Variants in SBNO2 observed in about 807,000 individuals in gnomAD.
SBNO2 encodes the protein strawberry notch homolog 2.
In SBNO2, 89 loss-of-function variants were observed where a neutral mutation model predicts 146.3. The observed-to-expected ratio is 0.61, with a 90% CI of 0.51 to 0.73. SBNO2 has a LOEUF of 0.73. Ranked by LOEUF, SBNO2 falls within the 30% of genes least tolerant of loss-of-function variation. The probability of loss-of-function intolerance (pLI) is 0.00; values close to 1 mark genes in which losing one functional copy is unlikely to be tolerated. For synonymous variants in SBNO2, 1,147 were observed against 892.6 expected (o/e 1.29, Z -5.08); for missense variants, 2,092 against 2,003.7 (o/e 1.04, Z -0.84).
At chr19:1,114,095 G>T in intron 18 of SBNO2, 136 bp downstream of exon 18, 1 of 770,676 alleles carries the variant, frequency 1.3e-6, no homozygotes, top group Non-Finnish European at 2.0e-6. Context: ...TGGACTGAGG[G>T]CTACAACCTG....
intron 4 of SBNO2, among the ~76,000 whole-genome samples, chr19:1,141,094 G>C (rs567499579): frequency 1.6e-4 from 24 of 151,738 alleles, no homozygotes; most frequent in South Asian, 6.3e-4. Context: ...CTCCGGAGAA[G>C]ACGCGCCCCG....
In SBNO2 at chr19:1,158,053, G is replaced by A. The variant is rs193117380; in HGVS notation, c.-126-3651C>T. 1.5e-4 allele frequency among the ~76,000 whole-genome samples: 23 copies of A among 152,280 alleles called. No individual in the cohort carries two copies. Among genetic ancestry groups the A allele is most frequent in the Middle Eastern group, 3.4e-3 (1 of 294 alleles). On this transcript the variant is annotated intron_variant, in intron 1 of 31. Transcript: ENST00000361757. The surrounding 1 kb of genome is among the most constrained non-coding windows in gnomAD (Gnocchi z 9.9). ...CCTCCCGTCTCTCTCTCCTGAGTCC[G>A]GGTAACTGCGGCCGCCTCCCGCCTC...
intron 14 of SBNO2, 64 bp downstream of exon 14, chr19:1,118,947 C>T (rs892164563): frequency 1.3e-6 from 2 of 1,512,228 alleles, no homozygotes; most frequent in Non-Finnish European, 1.8e-6. Context: ...ATCTGCAAGG[C>T]CACGGGGGAG....
intron 17 of SBNO2, chr19:1,115,811 T>C (rs1297328616): frequency 1.7e-6 from 1 of 602,196 alleles, no homozygotes; most frequent in Middle Eastern, 2.6e-4. Context: ...CTTCAGGCTG[T>C]CTGTTGCTTC....
At chr19:1,138,466 G>A (rs901959518) in intron 4 of SBNO2, among the ~76,000 whole-genome samples, 13 of 151,958 alleles carry the variant, frequency 8.6e-5, no homozygotes, top group African/African-American at 1.7e-4. Context: ...CCTGCATATG[G>A]ACGCTGCTAA....
Position 1,150,675 on chromosome 19 carries a change from G to A in SBNO2, c.94-1233C>T, listed in dbSNP as rs556004061. Among the ~76,000 whole-genome samples, 41 of 152,252 alleles carry A rather than the reference G, an allele frequency of 2.7e-4. 1 individual carries two copies. The highest frequency in any genetic ancestry group is 9.6e-4 in the African/African-American group (40 of 41,550). On this transcript the variant is annotated intron_variant, in intron 2 of 31. Coordinates refer to ENST00000361757, the MANE Select transcript of SBNO2 (RefSeq NM_014963.3). This position sits in a 1 kb window ranked among gnomAD's most constrained non-coding sequence, Gnocchi z 6.2. ...GTTGGGGGTTCGCCTGCTTCCCTGA[G>A]TCCCCCAGTGACCTCTCCCAGGCCC...
intron 1 of SBNO2, among the ~76,000 whole-genome samples, chr19:1,167,098 G>C (rs1390597373): frequency 6.6e-6 from 1 of 152,276 alleles, no homozygotes. Flanking sequence ...GGCTGGGCTT[G>C]AGGACGGCAG....
chr19:1,138,996 CACAG>C (rs1245521381), intron 4 of SBNO2, among the ~76,000 whole-genome samples: 6 of 152,334 alleles, frequency 3.9e-5, no homozygotes, highest in South Asian at 2.1e-4. Context: ...ACGCGTCCAT[CACAG>C]ACAGACACTG....
chr19:1,132,681 A>C (rs1471503042), intron 4 of SBNO2, among the ~76,000 whole-genome samples: 1 of 151,308 alleles, frequency 6.6e-6, no homozygotes, highest in Non-Finnish European at 1.5e-5. Context: ...GGCTCTCCCC[A>C]CCCCACCCCT....
In SBNO2 at chr19:1,120,088, G is replaced by C. The variant is rs878953606; in HGVS notation, c.1150-65C>G. On this transcript the variant is annotated intron_variant, in intron 11 of 31. Transcript: ENST00000361757. ...GGGCGACCCCAGGAGCCCAGGTCCTGACCACCCAAGACCCCACCTTCCTGG... is the reference window on the plus strand; with the variant it reads ...GGGCGACCCCAGGAGCCCAGGTCCTCACCACCCAAGACCCCACCTTCCTGG... The C allele has an allele frequency of 4.8e-6, 6 of 1,244,018 alleles. No individual in the cohort carries two copies. The South Asian group carries it at 7.8e-5, about 16-fold the overall frequency. 77.1% of individuals were successfully genotyped at this position (1,244,018 alleles called of 1,614,324 possible).
rs2080230609 is a variant in SBNO2, at chr19:1,150,328, C to T, written c.94-886G>A. 6.6e-6 allele frequency among the ~76,000 whole-genome samples: 1 copy of T among 152,260 alleles called. No homozygotes were observed. The highest frequency in any genetic ancestry group is 2.1e-4 in the South Asian group (1 of 4,834). ...GCGGGCCCAGGGTCAGCACCTGCGG[C>T]TTCGGGGGCAGGGCTGTGGACACCT... On this transcript the variant is annotated intron_variant, in intron 2 of 31. Transcript: ENST00000361757. This position sits in a 1 kb window ranked among gnomAD's most constrained non-coding sequence, Gnocchi z 6.2.
At chr19:1,169,008 A>T (rs1343667314) in intron 1 of SBNO2, 2 of 152,268 alleles carry the variant, frequency 1.3e-5, no homozygotes, top group Non-Finnish European at 2.9e-5. Flanking sequence ...AACCAAGGCC[A>T]AGGCCGCCTC....
At chr19:1,132,651 G>A (rs1331232298) in intron 4 of SBNO2, among the ~76,000 whole-genome samples, 2 of 152,182 alleles carry the variant, frequency 1.3e-5, no homozygotes, top group Non-Finnish European at 2.9e-5. Flanking sequence ...CGCACCTCAG[G>A]CCCTGCTGCG....
At chr19:1,123,275 G>A (rs2079926586) in intron 7 of SBNO2, among the ~76,000 whole-genome samples, 1 of 152,108 alleles carries the variant, frequency 6.6e-6, no homozygotes, top group Non-Finnish European at 1.5e-5. Flanking sequence ...GGTTGGTTGG[G>A]GGCGTGGCCA....
rs996926570 is a variant in SBNO2, at chr19:1,112,984, T to C, written c.2248-35A>G. ...AGACAGGGACAAAACCGGCCGTCAG[T>C]GTTGTGGCCTCGCAGGAGTCTGGCC... On this transcript the variant is annotated intron_variant, in intron 19 of 31. Transcript: ENST00000361757. The surrounding 1 kb of genome is among the most constrained non-coding windows in gnomAD (Gnocchi z 5.9). 2.0e-6 allele frequency: 3 copies of C among 1,531,380 alleles called. No homozygotes were observed. The African/African-American group carries it at 4.1e-5, about 21-fold the overall frequency. 94.9% of individuals were successfully genotyped at this position (1,531,380 alleles called of 1,614,324 possible). A position where few individuals can be genotyped will look rare whatever the true frequency, so the allele number is the denominator to read the frequency against.
rs757589589 is a variant in SBNO2, at chr19:1,122,942, G to A, written c.732C>T (p.Ser244=). The part of the protein sequence containing the change: ...ITYTLALPSD[S]GALSALQLEA... ...CTAGCTGCAGGGCAGACAGGGCCCC[G>A]CTGTCCGAGGGCAGGGCCAGGGTGT... Residue 244 remains serine, a synonymous_variant, in exon 8 of 32, where the codon AGC becomes AGT. Coordinates refer to ENST00000361757, the MANE Select transcript of SBNO2 (RefSeq NM_014963.3). 6.4e-6 allele frequency: 10 copies of A among 1,560,462 alleles called. No individual in the cohort carries two copies. In the East Asian group the frequency reaches 7.2e-5, roughly 11 times the overall value.
Position 1,113,518 on chromosome 19 carries a change from T to TGCCACGTCCCA in SBNO2, c.2247+6_2247+16dup, listed in dbSNP as rs2079793421. 6.3e-7 allele frequency: 1 copy of TGCCACGTCCCA among 1,579,714 alleles called. No homozygotes were observed. Among genetic ancestry groups the TGCCACGTCCCA allele is most frequent in the Non-Finnish European group, 8.6e-7 (1 of 1,164,592 alleles). On this transcript the variant is annotated intron_variant, in intron 19 of 31. Coordinates refer to ENST00000361757, the MANE Select transcript of SBNO2 (RefSeq NM_014963.3). The stretch of plus-strand genomic sequence containing the variant: ...CATGCCCCGCCCACCACACTCCAGC[T>TGCCACGTCCCA]GCCACGTCCCACCCACCTCCGCCAC...
At chr19:1,152,506 C>A (rs1182285233) in intron 2 of SBNO2, among the ~76,000 whole-genome samples, 4 of 152,116 alleles carry the variant, frequency 2.6e-5, no homozygotes, top group Non-Finnish European at 5.9e-5. Flanking sequence ...TATGGTGGCC[C>A]AGGAGGCTGA....
In SBNO2 at chr19:1,116,100, G is replaced by A. The variant is rs377715803; in HGVS notation, c.1806C>T (p.Gly602=). 1.2e-5 allele frequency: 19 copies of A among 1,607,594 alleles called. No individual in the cohort carries two copies. In the African/African-American group the frequency reaches 1.6e-4, roughly 14 times the overall value. The part of the protein sequence containing the change: ...HLNCFVSAAE[G]VFLSLIQKHF... ...GCTTCTGAATTAGCGACAGGAACAC[G>A]CCTCTGAAAGTGAGACGCGGAGTTT... is the stretch of plus-strand genomic sequence containing the variant. The change falls in exon 17 of 32, where the codon GGC becomes GGT. Residue 602 remains glycine, a synonymous_variant. Coordinates refer to ENST00000361757, the MANE Select transcript of SBNO2 (RefSeq NM_014963.3).
Sources: allele counts gnomAD v4.1 joint callset (sites outside exome capture counted in the v4.1 genomes callset), GRCh38; gene constraint gnomAD v4.1.1; non-coding constraint Gnocchi (gnomAD v3.1); transcripts MANE v1.5; gene names NCBI Gene and HGNC (gene_info 2026-07-23, HGNC 2026-07-21).